Variants in OSBPL11 observed in about 807,000 individuals in gnomAD.
OSBPL11 encodes oxysterol-binding protein-related protein 11.
OSBPL11 carries 33 observed loss-of-function variants against 84.4 expected under a neutral mutation model. The observed-to-expected ratio is 0.39, with a 90% CI of 0.30 to 0.52. OSBPL11 has a LOEUF of 0.52. Ranked by LOEUF, OSBPL11 falls within the 20% of genes least tolerant of loss-of-function variation. OSBPL11 has a pLI of 0.72. For synonymous variants in OSBPL11, 276 were observed against 310.2 expected (o/e 0.89, Z 1.16); for missense variants, 736 against 901.1 (o/e 0.82, Z 2.35).
At chr3:125,572,072 G>C in intron 5 of OSBPL11, among the ~76,000 whole-genome samples, 1 of 152,232 alleles carries the variant, frequency 6.6e-6, no homozygotes, top group Non-Finnish European at 1.5e-5. Flanking sequence ...CAAGACCATG[G>C]GAACCCACCT....
At chr3:125,537,631 A>G (rs1935661617) in intron 11 of OSBPL11, among the ~76,000 whole-genome samples, 1 of 152,118 alleles carries the variant, frequency 6.6e-6, no homozygotes, top group African/African-American at 2.4e-5. Flanking sequence ...GTTTGGTTCT[A>G]TTTATGTGAT....
At position 125,594,959 on chromosome 3, in the gene OSBPL11, A is replaced by G. The variant is rs1936658457; in HGVS notation, c.-159T>C. On this transcript the variant is annotated 5_prime_UTR_variant, in exon 1 of 13. Coordinates refer to ENST00000296220, the MANE Select transcript of OSBPL11 (RefSeq NM_022776.5). ...CTGTCAAATGGTCCAGAAAAGGAAG[A>G]TACACATTCCCACAGAAGTTAAACT... 7.0e-6 allele frequency: 5 copies of G among 714,446 alleles called. No individual in the cohort carries two copies. The highest frequency in any genetic ancestry group is 6.7e-6 in the Non-Finnish European group (3 of 445,444). 44.3% of individuals were successfully genotyped at this position (714,446 alleles called of 1,614,324 possible). A position where few individuals can be genotyped will look rare whatever the true frequency, so the allele number is the denominator to read the frequency against.
At position 125,538,524 on chromosome 3, in the gene OSBPL11, C is replaced by T. The variant is rs750255301; in HGVS notation, c.1951G>A (p.Val651Met). ...GTCACTGCCAATTTAGTCAAGTCCA[C>T]ATACTTTGTCTCTCCATTGCTATAT... ...FTYSNGETKY[V>M]DLTKLAVTKK... Residue 651 changes from valine (V) to methionine (M), a missense_variant, in exon 11 of 13, where the codon GTG (valine) becomes ATG (methionine). By Grantham distance (21) the Val-to-Met change is conservative. This residue lies in a region of OSBPL11 where 579 missense variants were observed against 717.6 expected (regional missense o/e 0.81). Transcript: ENST00000296220. The T allele has an allele frequency of 3.7e-6, 6 of 1,614,182 alleles. No homozygotes were observed. Among genetic ancestry groups the T allele is most frequent in the Admixed American group, 1.7e-5 (1 of 60,026 alleles).
At chr3:125,551,183 AAATT>A (rs1361084682) in intron 9 of OSBPL11, among the ~76,000 whole-genome samples, 13,888 of 72,786 alleles carry the variant, frequency 0.19, 884 homozygotes, top group African/African-American at 0.4. Context: ...AAAAAAAAAA[AAATT>A]AAATTAAATT....
chr3:125,581,695 C>CAAAAAAAA (rs1189619626), intron 2 of OSBPL11, among the ~76,000 whole-genome samples: 1 of 63,810 alleles, frequency 1.6e-5, no homozygotes, highest in African/African-American at 5.4e-5. Flanking sequence ...GACTCCATCT[C>CAAAAAAAA]AAAAAAAAAA....
At chr3:125,536,287 A>G (rs1009824586) in intron 11 of OSBPL11, among the ~76,000 whole-genome samples, 1 of 152,246 alleles carries the variant, frequency 6.6e-6, no homozygotes, top group African/African-American at 2.4e-5. Flanking sequence ...TGGAAAATTT[A>G]AGAATGTCAA....
At chr3:125,567,672 A>G (rs1228971192) in intron 5 of OSBPL11, 77 bp from the exon 6 acceptor site, 2 of 1,233,510 alleles carry the variant, frequency 1.6e-6, no homozygotes, top group East Asian at 4.8e-5. Context: ...CATTTTAATT[A>G]CCAGATTCAG....
chr3:125,543,683 T>C (rs1485110241), intron 10 of OSBPL11, among the ~76,000 whole-genome samples: 3 of 152,140 alleles, frequency 2.0e-5, no homozygotes. Context: ...GGCAGATCAC[T>C]TGAGGTCAGG....
chr3:125,550,253 T>G (rs1422541327), intron 9 of OSBPL11, among the ~76,000 whole-genome samples: 2 of 151,966 alleles, frequency 1.3e-5, no homozygotes, highest in African/African-American at 4.8e-5. Flanking sequence ...CGCACGCCTG[T>G]AATCCCAGCT....
chr3:125,550,634 C>A (rs1314086498), intron 9 of OSBPL11, among the ~76,000 whole-genome samples: 1 of 152,142 alleles, frequency 6.6e-6, no homozygotes, highest in Non-Finnish European at 1.5e-5. Context: ...GCATAGTGTT[C>A]TTTGCATAAG....
intron 5 of OSBPL11, among the ~76,000 whole-genome samples, chr3:125,568,430 CAAAAAAAAAA>C (rs1052383358): frequency 1.3e-5 from 1 of 75,662 alleles, no homozygotes; most frequent in Non-Finnish European, 2.7e-5. Flanking sequence ...GACTACGTCT[CAAAAAAAAAA>C]AAAAAAGGGA....
chr3:125,575,272 A>G (rs1936304715), intron 5 of OSBPL11, among the ~76,000 whole-genome samples: 2 of 152,170 alleles, frequency 1.3e-5, no homozygotes, highest in Middle Eastern at 6.3e-3. Context: ...CACAGTTTAA[A>G]AGAAATGGTG....
chr3:125,563,850 G>A lies in OSBPL11; in HGVS notation c.869-7C>T. ...AACCACTCGATTGTCGTTCCTGATG[G>A]AGTAAGAGAAAACTTTCGCTGAAAC... On this transcript the variant is annotated splice_polypyrimidine_tract_variant and splice_region_variant and intron_variant, in intron 6 of 12. Coordinates refer to ENST00000296220, the MANE Select transcript of OSBPL11 (RefSeq NM_022776.5). 1.2e-6 allele frequency: 2 copies of A among 1,608,904 alleles called. No homozygotes were observed. The highest frequency in any genetic ancestry group is 1.7e-6 in the Non-Finnish European group (2 of 1,178,862).
At chr3:125,579,668 A>G (rs3829007) in intron 3 of OSBPL11, among the ~76,000 whole-genome samples, 197 bp downstream of exon 3, 10,194 of 152,266 alleles carry the variant, frequency 0.067, 463 homozygotes, top group Non-Finnish European at 0.098. Context: ...ACAAACATAC[A>G]TTGTCCCACT....
At chr3:125,565,709 A>C (rs1427266096) in intron 6 of OSBPL11, among the ~76,000 whole-genome samples, 1 of 152,230 alleles carries the variant, frequency 6.6e-6, no homozygotes, top group East Asian at 1.9e-4. Flanking sequence ...CTTTGTAAGA[A>C]GAGAAAATTT....
chr3:125,591,200 C>G (rs1263382678), intron 1 of OSBPL11, among the ~76,000 whole-genome samples: 1 of 152,194 alleles, frequency 6.6e-6, no homozygotes, highest in Admixed American at 6.5e-5. Context: ...TAATTTGACT[C>G]CCCAAGTCCG....
intron 11 of OSBPL11, among the ~76,000 whole-genome samples, 155 bp downstream of exon 11, chr3:125,538,296 C>A (rs1935673505): frequency 6.6e-6 from 1 of 152,166 alleles, no homozygotes; most frequent in African/African-American, 2.4e-5. Flanking sequence ...TCACAGCTGG[C>A]AAGGGGTTTA....
chr3:125,565,153 G>A (rs1428971278), intron 6 of OSBPL11, among the ~76,000 whole-genome samples: 1 of 152,162 alleles, frequency 6.6e-6, no homozygotes, highest in Admixed American at 6.5e-5. Flanking sequence ...GCTAAAGCAG[G>A]AGAATAGCAT....
intron 6 of OSBPL11, among the ~76,000 whole-genome samples, chr3:125,566,369 A>T (rs1936157449): frequency 6.6e-6 from 1 of 152,090 alleles, no homozygotes; most frequent in African/African-American, 2.4e-5. Flanking sequence ...TGAATTTTTT[A>T]AGAGGAACAT....
Sources: gnomAD v4.1 joint callset for allele counts (sites outside exome capture counted in the v4.1 genomes callset) on GRCh38, gnomAD v4.1.1 for gene constraint, gnomAD v4.1.1 regional missense constraint, MANE v1.5 for transcripts, NCBI Gene and HGNC (gene_info 2026-07-23, HGNC 2026-07-21) for gene names.